ASAH1: variants seen among roughly 807,000 people sequenced by gnomAD.
ASAH1 encodes the protein N-acylsphingosine amidohydrolase 1, also known as acid ceramidase.
In ASAH1, 70 loss-of-function variants were observed where a neutral mutation model predicts 59.5. The observed-to-expected ratio is 1.18, with a 90% CI of 0.97 to 1.43. ASAH1 has a LOEUF of 1.43. Among genes scored for constraint, ASAH1 ranks in the 40% most tolerant of loss-of-function variants. ASAH1 has a pLI of 0.00. For missense variants in ASAH1, 660 were observed against 482.5 expected (o/e 1.37, Z -3.45); for synonymous variants, 213 against 166.5 (o/e 1.28, Z -2.15).
intron 2 of ASAH1, 39 bp from the exon 3 acceptor site, chr8:18,071,429 G>GT (rs772777889): frequency 1.6e-4 from 213 of 1,327,868 alleles, no homozygotes; most frequent in Non-Finnish European, 3.7e-5. Flanking sequence ...TGATGAAAGG[G>GT]TTTTTTGTGA....
intron 5 of ASAH1, chr8:18,065,605 C>G (rs1156511478): frequency 2.0e-5 from 3 of 152,108 alleles, no homozygotes; most frequent in African/African-American, 4.8e-5. Context: ...CCCAAACCAT[C>G]AATATCTAAG....
intron 4 of ASAH1, among the ~76,000 whole-genome samples, chr8:18,068,856 C>T (rs541741031): frequency 3.9e-5 from 6 of 152,308 alleles, no homozygotes; most frequent in East Asian, 1.9e-4. Flanking sequence ...CCGGGCATGG[C>T]GGTTCACACC....
chr8:18,059,053 C>T, intron 12 of ASAH1, 162 bp from the exon 13 acceptor site: 1 of 706,562 alleles, frequency 1.4e-6, no homozygotes. Context: ...ACACAGGTAA[C>T]AGTTTTAATG....
intron 7 of ASAH1, 31 bp from the exon 8 acceptor site, chr8:18,062,454 G>T (rs746434957): frequency 6.2e-7 from 1 of 1,612,034 alleles, no homozygotes; most frequent in Non-Finnish European, 8.5e-7. Flanking sequence ...TGACATTTCA[G>T]AAACACAGTG....
intron 4 of ASAH1, 66 bp from the exon 5 acceptor site, chr8:18,067,364 TAAAC>T: frequency 2.1e-6 from 2 of 964,488 alleles, no homozygotes; most frequent in Non-Finnish European, 2.8e-6. Flanking sequence ...TAATATAATA[TAAAC>T]AAATATAATA....
intron 1 of ASAH1, 92 bp downstream of exon 1, chr8:18,083,889 T>G (rs919262297): frequency 1.3e-6 from 2 of 1,535,846 alleles, no homozygotes; most frequent in African/African-American, 2.7e-5. Context: ...GCACGAGGTG[T>G]TCCTTGTACC....
chr8:18,083,955 C>T, intron 1 of ASAH1, 26 bp downstream of exon 1: 1 of 1,593,302 alleles, frequency 6.3e-7, no homozygotes, highest in Non-Finnish European at 8.5e-7. Flanking sequence ...ACGCCCCTCT[C>T]TGCGCCTCGG....
chr8:18,061,530 G>T, intron 9 of ASAH1, 72 bp from the exon 10 acceptor site: 1 of 1,453,502 alleles, frequency 6.9e-7, no homozygotes, highest in Non-Finnish European at 9.7e-7. Context: ...CCCGGAAGAG[G>T]CTGGACTATA....
chr8:18,073,909 A>C (rs1248935918), intron 2 of ASAH1, among the ~76,000 whole-genome samples: 1 of 152,234 alleles, frequency 6.6e-6, no homozygotes, highest in Admixed American at 6.5e-5. Context: ...AGGCAAGGAA[A>C]GAAACATACA....
At chr8:18,070,938 C>A (rs149860954) in intron 3 of ASAH1, among the ~76,000 whole-genome samples, 3,680 of 152,078 alleles carry the variant, frequency 0.024, 135 homozygotes, top group African/African-American at 0.077. Flanking sequence ...CCGGGCATGG[C>A]GGCTCATGCC....
chr8:18,069,243 G>A (rs1375078247), intron 4 of ASAH1, among the ~76,000 whole-genome samples: 1 of 151,978 alleles, frequency 6.6e-6, no homozygotes, highest in African/African-American at 2.4e-5. Context: ...CTAGGGGCCA[G>A]GCCCTAGGTG....
rs1799502614 is a variant in ASAH1 at position 18,057,152 on chromosome 8, G to C, written c.*382C>G. The C allele has an allele frequency of 4.9e-6, 1 of 206,018 alleles. No individual in the cohort carries two copies. Among genetic ancestry groups the C allele is most frequent in the South Asian group, 7.5e-5 (1 of 13,372 alleles). The allele number at this position is 206,018 out of a possible 1,614,324, so 12.8% of individuals were successfully genotyped here. On this transcript the variant is annotated 3_prime_UTR_variant, in exon 14 of 14. Coordinates refer to ENST00000637790, the MANE Select transcript of ASAH1 (RefSeq NM_177924.5). ...GAAGTGAAAAACTGAAGAATGTGGA[G>C]TGTTTACTGTCCCGTTACTCACACA... is the stretch of plus-strand genomic sequence containing the variant.
At chr8:18,057,695 T>A in intron 13 of ASAH1, 72 bp from the exon 14 acceptor site, 1 of 1,045,302 alleles carries the variant, frequency 9.6e-7, no homozygotes, top group Admixed American at 2.1e-5. Context: ...TTAGCATTTC[T>A]ATACTTGTAG....
At chr8:18,069,324 GA>G (rs921684167) in intron 4 of ASAH1, 4 of 158,748 alleles carry the variant, frequency 2.5e-5, no homozygotes, top group Non-Finnish European at 5.5e-5. Context: ...GGATGAAAAT[GA>G]AATGGTTTGG....
At position 18,057,356 on chromosome 8, in the gene ASAH1, T is replaced by C. The variant is rs886062779; in HGVS notation, c.*178A>G. The C allele has an allele frequency of 3.6e-4, 159 of 436,882 alleles. 1 individual carries two copies. The highest frequency in any genetic ancestry group is 1.4e-4 in the Non-Finnish European group (31 of 228,886). 27.1% of individuals were successfully genotyped at this position (436,882 alleles called of 1,614,324 possible). On this transcript the variant is annotated 3_prime_UTR_variant, in exon 14 of 14. Transcript: ENST00000637790. Reference sequence around the variant, plus strand: ...TCTGTAAATAAGAAAAATCAACTGATAGGGGGAAAAAAAAAAGATCTGTCA... The same window carrying C: ...TCTGTAAATAAGAAAAATCAACTGACAGGGGGAAAAAAAAAAGATCTGTCA...
intron 9 of ASAH1, 97 bp from the exon 10 acceptor site, chr8:18,061,555 C>T (rs1365991587): frequency 6.9e-7 from 1 of 1,441,672 alleles, no homozygotes; most frequent in Admixed American, 1.7e-5. Flanking sequence ...CAGTCAGGAA[C>T]CAGAAGAGGT....
rs1401872848 is a variant in ASAH1, at chr8:18,084,021, G to C, written c.38C>G (p.Ala13Gly). Residue 13 changes from alanine (A) to glycine (G), a missense_variant, in exon 1 of 14, where the codon GCT becomes GGT. Physicochemically the swap from Ala to Gly is moderately conservative, Grantham distance 60 (BLOSUM62 0). Coordinates refer to ENST00000637790, the MANE Select transcript of ASAH1 (RefSeq NM_177924.5). ...CGCGACGGCACAGCTGACGGCGGCAGCCAGGAGGACTAAGGCGACGCAACT... is the reference window on the plus strand; with the variant it reads ...CGCGACGGCACAGCTGACGGCGGCACCCAGGAGGACTAAGGCGACGCAACT... The part of the protein sequence containing the change: ...GRSCVALVLL[A>G]AAVSCAVAQH... The C allele has an allele frequency of 6.3e-7, 1 of 1,598,546 alleles. No individual in the cohort carries two copies. Among genetic ancestry groups the C allele is most frequent in the Non-Finnish European group, 8.5e-7 (1 of 1,179,660 alleles).
chr8:18,083,536 C>T (rs1800750870), intron 1 of ASAH1: 2 of 212,570 alleles, frequency 9.4e-6, no homozygotes, highest in South Asian at 1.2e-4. Flanking sequence ...CTCAGCGTTT[C>T]CCACGGCCCT....
Position 18,075,001 on chromosome 8 carries a change from C to CTTTTTTTTTTTTTTTTTTTTT in ASAH1, c.125+539_125+540insAAAAAAAAAAAAAAAAAAAAA, listed in dbSNP as rs769278694. Among the ~76,000 whole-genome samples, 87 of 148,540 alleles carry CTTTTTTTTTTTTTTTTTTTTT rather than the reference C, an allele frequency of 5.9e-4. 4 individuals carry two copies. The highest frequency in any genetic ancestry group is 1.5e-3 in the South Asian group (7 of 4,636). ...ATTGAGTGGAGAATGAAAATCCTTT[C>CTTTTTTTTTTTTTTTTTTTTT]CTTTTTTTTTTTGAGACAGAGTCTC... On this transcript the variant is annotated intron_variant, in intron 2 of 13. Coordinates refer to ENST00000637790, the MANE Select transcript of ASAH1 (RefSeq NM_177924.5).
Sources: allele counts gnomAD v4.1 joint callset (sites outside exome capture counted in the v4.1 genomes callset), GRCh38; gene constraint gnomAD v4.1.1; transcripts MANE v1.5; gene names NCBI Gene and HGNC (gene_info 2026-07-23, HGNC 2026-07-21).